The following RASA1 variants were observed in gnomAD, a reference collection of about 807,000 sequenced individuals.
RASA1 encodes the protein RAS p21 protein activator 1.
In RASA1, 25 loss-of-function variants were observed where a neutral mutation model predicts 132.2. That is an observed-to-expected ratio of 0.19 (90% CI 0.14 to 0.26). The LOEUF is 0.26. RASA1 is among the 10% of genes least tolerant of loss of function. The pLI, the probability that RASA1 is intolerant of heterozygous loss-of-function variation, is 1.00. For missense variants in RASA1, 964 were observed against 1,299.2 expected (o/e 0.74, Z 3.97); for synonymous variants, 477 against 449.9 (o/e 1.06, Z -0.76).
intron 1 of RASA1, among the ~76,000 whole-genome samples, chr5:87,311,264 A>G (rs1403318780): frequency 6.6e-6 from 1 of 152,200 alleles, no homozygotes; most frequent in East Asian, 1.9e-4. Context: ...AAGGAAAAAA[A>G]CTGGCAGTAT....
intron 24 of RASA1, among the ~76,000 whole-genome samples, chr5:87,390,058 GA>G (rs2112527510): frequency 1.3e-5 from 2 of 152,300 alleles, no homozygotes; most frequent in East Asian, 1.9e-4. Flanking sequence ...TACACTTTGA[GA>G]AACAGTAGAC....
At chr5:87,287,072 C>CAGATATACACACCAT (rs1754620410) in intron 1 of RASA1, among the ~76,000 whole-genome samples, 1 of 136,448 alleles carries the variant, frequency 7.3e-6, no homozygotes, top group African/African-American at 2.9e-5. Flanking sequence ...ATATACACAC[C>CAGATATACACACCAT]ATATATACAC....
chr5:87,286,744 G>A (rs956894254), intron 1 of RASA1, among the ~76,000 whole-genome samples: 1 of 151,070 alleles, frequency 6.6e-6, no homozygotes, highest in African/African-American at 2.4e-5. Context: ...ATATAATTTT[G>A]ACCATGACTC....
intron 22 of RASA1, 78 bp from the exon 23 acceptor site, chr5:87,386,748 A>C (rs1762089125): frequency 1.6e-6 from 2 of 1,275,974 alleles, no homozygotes. Context: ...TGTTAACTGT[A>C]ATTACTTTTG....
rs540858694 is a variant in RASA1 at position 87,335,428 on chromosome 5, T to G, written c.899+2091T>G. Among the ~76,000 whole-genome samples the G allele has an allele frequency of 2.3e-3, 322 of 142,884 alleles. 3 individuals are homozygous for G. Among genetic ancestry groups the G allele is most frequent in the African/African-American group, 2.7e-3 (102 of 38,130 alleles). 93.7% of individuals were successfully genotyped at this position (142,884 alleles called of 152,430 possible). A position where few individuals can be genotyped will look rare whatever the true frequency, so the allele number is the denominator to read the frequency against. On this transcript the variant is annotated intron_variant, in intron 4 of 24. Coordinates refer to ENST00000274376, the MANE Select transcript of RASA1 (RefSeq NM_002890.3). ...GATAATAAAGAATGAGGTTTTTTTT[T>G]TTTTTTTTTTTTTTTTGTGACAGTT...
chr5:87,338,550 T>TTTTTTTTTTTTA (rs1758195745), intron 5 of RASA1, among the ~76,000 whole-genome samples: 1 of 139,858 alleles, frequency 7.2e-6, no homozygotes, highest in African/African-American at 2.6e-5. Context: ...TTTTTTTTTT[T>TTTTTTTTTTTTA]AAGTAGAAAT....
intron 8 of RASA1, 123 bp downstream of exon 8, chr5:87,349,487 A>G (rs759408831): frequency 1.6e-5 from 18 of 1,115,840 alleles, no homozygotes; most frequent in Non-Finnish European, 2.0e-5. Context: ...AAGACCTTCA[A>G]TATAATTTCA....
intron 12 of RASA1, among the ~76,000 whole-genome samples, 189 bp downstream of exon 12, chr5:87,370,089 T>G (rs1483382327): frequency 6.6e-6 from 1 of 152,136 alleles, no homozygotes; most frequent in Non-Finnish European, 1.5e-5. Flanking sequence ...ACAAACACAG[T>G]GAAGGGTTAT....
At chr5:87,384,985 T>C (rs1312682832) in intron 21 of RASA1, among the ~76,000 whole-genome samples, 1 of 152,072 alleles carries the variant, frequency 6.6e-6, no homozygotes, top group Admixed American at 6.6e-5. Context: ...CAATCTTTTT[T>C]AGTGATAAAG....
At chr5:87,335,788 G>T (rs1757935027) in intron 4 of RASA1, among the ~76,000 whole-genome samples, 1 of 152,128 alleles carries the variant, frequency 6.6e-6, no homozygotes, top group Admixed American at 6.5e-5. Context: ...ATAGCTCAGT[G>T]AACTAATATT....
At chr5:87,382,390 G>A (rs915071305) in intron 20 of RASA1, among the ~76,000 whole-genome samples, 1 of 152,194 alleles carries the variant, frequency 6.6e-6, no homozygotes, top group Non-Finnish European at 1.5e-5. Context: ...AACAGAGATT[G>A]TATCTATTAA....
Position 87,337,966 on chromosome 5 carries a change from A to G in RASA1, c.900-8A>G, listed in dbSNP as rs1274575286. The G allele has an allele frequency of 1.2e-6, 2 of 1,603,278 alleles. No homozygotes were observed. Among genetic ancestry groups the G allele is most frequent in the Non-Finnish European group, 1.7e-6 (2 of 1,175,818 alleles). On this transcript the variant is annotated splice_polypyrimidine_tract_variant and splice_region_variant and intron_variant, in intron 4 of 24. Transcript: ENST00000274376. The stretch of plus-strand genomic sequence containing the variant: ...TAAATTTAATAACTTTAAAATTGCT[A>G]TTTTCAGTTTCTTAAAAGGAGATAT...
intron 5 of RASA1, among the ~76,000 whole-genome samples, chr5:87,338,494 G>C (rs1329247946): frequency 3.6e-4 from 35 of 96,290 alleles, no homozygotes; most frequent in Non-Finnish European, 5.6e-4. Context: ...ACCATGCCCA[G>C]CTAATTTTAT....
At position 87,362,563 on chromosome 5, in the gene RASA1, G is replaced by C. The variant is rs1158633040; in HGVS notation, c.1345G>C (p.Val449Leu). 6.3e-7 allele frequency: 1 copy of C among 1,591,528 alleles called. No homozygotes were observed. The highest frequency in any genetic ancestry group is 1.1e-5 in the South Asian group (1 of 90,572). The stretch of plus-strand genomic sequence containing the variant: ...TTTTAAAATTCAGGATCAAGAACAA[G>C]TACTCAATGACACAGTGGATGGCAA... ...EPVPMQDQEQ[V>L]LNDTVDGKEI... is the part of the protein sequence containing the mutation. Residue 449 changes from valine (V) to leucine (L), a missense_variant, in exon 10 of 25, where the codon GTA becomes CTA. Transcript: ENST00000274376.
At chr5:87,292,367 C>CTTT (rs76957126) in intron 1 of RASA1, among the ~76,000 whole-genome samples, 4 of 120,216 alleles carry the variant, frequency 3.3e-5, no homozygotes, top group South Asian at 2.7e-4. Context: ...TGTTTACATT[C>CTTT]TTTTTTTTTT....
At position 87,389,470 on chromosome 5, in the gene RASA1, T is replaced by C. The variant is rs779084243; in HGVS notation, c.3003T>C (p.Ile1001=). ...LSRDLAALHE[I]CVAHSDELRT... ...GTGATTTAGCAGCATTGCATGAGATTTGCGTGGCTCATTCAGATGAACTTC... is the reference window on the plus strand; with the variant it reads ...GTGATTTAGCAGCATTGCATGAGATCTGCGTGGCTCATTCAGATGAACTTC... The change falls in exon 24 of 25, where the codon ATT becomes ATC. Residue 1001 remains isoleucine, a synonymous_variant. Coordinates refer to ENST00000274376, the MANE Select transcript of RASA1 (RefSeq NM_002890.3). 24 of 1,614,218 alleles carry C rather than the reference T, an allele frequency of 1.5e-5. No homozygotes were observed. The highest frequency in any genetic ancestry group is 2.2e-5 in the South Asian group (2 of 91,088).
At chr5:87,312,914 A>G (rs1384904724) in intron 1 of RASA1, among the ~76,000 whole-genome samples, 2 of 152,262 alleles carry the variant, frequency 1.3e-5, no homozygotes, top group African/African-American at 4.8e-5. Flanking sequence ...TACTTGGTTC[A>G]GGTGTTTATC....
At chr5:87,375,739 C>T (rs1336175018) in intron 15 of RASA1, among the ~76,000 whole-genome samples, 1 of 152,134 alleles carries the variant, frequency 6.6e-6, no homozygotes, top group African/African-American at 2.4e-5. Flanking sequence ...TACCAGTTCA[C>T]ATCAGGGTGA....
At chr5:87,364,322 A>G (rs995556249) in intron 11 of RASA1, among the ~76,000 whole-genome samples, 4 of 152,118 alleles carry the variant, frequency 2.6e-5, no homozygotes, top group African/African-American at 9.7e-5. Flanking sequence ...CAGTGTGTTT[A>G]GGAGATCACA....
Sources: gnomAD v4.1 joint callset for allele counts (sites outside exome capture counted in the v4.1 genomes callset) on GRCh38, gnomAD v4.1.1 for gene constraint, MANE v1.5 for transcripts, NCBI Gene and HGNC (gene_info 2026-07-23, HGNC 2026-07-21) for gene names.